The following KCNQ3 variants were observed in gnomAD, a reference collection of about 807,000 sequenced individuals.
The protein encoded by KCNQ3 is potassium voltage-gated channel subfamily KQT member 3.
KCNQ3 carries 30 observed loss-of-function variants against 92.5 expected under a neutral mutation model. The ratio of observed to expected loss-of-function variants is 0.32; its 90% confidence interval spans 0.24 to 0.44. The LOEUF (loss-of-function observed/expected upper bound fraction) is 0.44. Ranked by LOEUF, KCNQ3 falls within the 20% of genes least tolerant of loss-of-function variation. The probability of loss-of-function intolerance (pLI) is 1.00; values close to 1 mark genes in which losing one functional copy is unlikely to be tolerated. For missense variants in KCNQ3, 913 were observed against 1,140.3 expected (o/e 0.80, Z 2.87); for synonymous variants, 450 against 468.8 (o/e 0.96, Z 0.52).
chr8:132,130,856 G>C (rs886840833), intron 14 of KCNQ3, among the ~76,000 whole-genome samples: 2 of 152,222 alleles, frequency 1.3e-5, no homozygotes, highest in African/African-American at 4.8e-5. Context: ...ATACATGAGT[G>C]TATGTGCACA....
intron 1 of KCNQ3, among the ~76,000 whole-genome samples, chr8:132,292,478 C>T (rs184356494): frequency 6.6e-5 from 10 of 152,124 alleles, no homozygotes; most frequent in African/African-American, 2.4e-4. Flanking sequence ...AGAGATTAAG[C>T]ACATTACAAA....
At chr8:132,168,700 A>G in intron 8 of KCNQ3, among the ~76,000 whole-genome samples, 1 of 145,048 alleles carries the variant, frequency 6.9e-6, no homozygotes, top group Non-Finnish European at 1.5e-5. Context: ...TAGAAAGAGA[A>G]ATTGAGGATA....
Position 132,186,188 on chromosome 8 carries a change from G to C in KCNQ3, c.387-7C>G. 6.2e-7 allele frequency: 1 copy of C among 1,606,042 alleles called. No individual in the cohort carries two copies. The highest frequency in any genetic ancestry group is 8.5e-7 in the Non-Finnish European group (1 of 1,172,766). ...CCCCAGGACAATCAGGAACCTAGAGGGGAAGAAAGAAATGGACTAAGGAAC... is the reference window on the plus strand; with the variant it reads ...CCCCAGGACAATCAGGAACCTAGAGCGGAAGAAAGAAATGGACTAAGGAAC... On this transcript the variant is annotated splice_region_variant and splice_polypyrimidine_tract_variant and intron_variant, in intron 1 of 14. Coordinates refer to ENST00000388996, the MANE Select transcript of KCNQ3 (RefSeq NM_004519.4).
chr8:132,479,632 C>T (rs1822496037), intron 1 of KCNQ3, among the ~76,000 whole-genome samples: 1 of 81,716 alleles, frequency 1.2e-5, no homozygotes, highest in Admixed American at 1.1e-4. Flanking sequence ...GCAAGCGACA[C>T]ACACACACAC....
chr8:132,269,958 A>T (rs771404896), intron 1 of KCNQ3, among the ~76,000 whole-genome samples: 1 of 152,212 alleles, frequency 6.6e-6, no homozygotes, highest in Non-Finnish European at 1.5e-5. Context: ...CCCAATCCAG[A>T]CATATCTATA....
intron 1 of KCNQ3, among the ~76,000 whole-genome samples, chr8:132,278,997 C>G (rs760875142): frequency 9.2e-5 from 14 of 152,076 alleles, no homozygotes; most frequent in Non-Finnish European, 2.1e-4. Context: ...AGGCAGATCA[C>G]TTGAGGTCAG....
At chr8:132,408,824 G>A (rs953967505) in intron 1 of KCNQ3, among the ~76,000 whole-genome samples, 1 of 152,164 alleles carries the variant, frequency 6.6e-6, no homozygotes, top group South Asian at 2.1e-4. Flanking sequence ...ATGACAGCCA[G>A]CAAGATAACA....
intron 1 of KCNQ3, among the ~76,000 whole-genome samples, chr8:132,199,509 G>GC (rs1827396451): frequency 6.6e-6 from 1 of 152,236 alleles, no homozygotes; most frequent in East Asian, 1.9e-4. Flanking sequence ...TTTTCAATAG[G>GC]CTCCCCTTAA....
chr8:132,470,832 A>G (rs1266741083), intron 1 of KCNQ3, among the ~76,000 whole-genome samples: 1 of 152,294 alleles, frequency 6.6e-6, no homozygotes, highest in Non-Finnish European at 1.5e-5. Flanking sequence ...TTTGTCCATG[A>G]CATGAAGCCT....
intron 1 of KCNQ3, among the ~76,000 whole-genome samples, chr8:132,334,134 T>C (rs1233352994): frequency 6.6e-6 from 1 of 152,172 alleles, no homozygotes; most frequent in Non-Finnish European, 1.5e-5. Flanking sequence ...GATTTAAATC[T>C]TCCCATATTG....
intron 1 of KCNQ3, among the ~76,000 whole-genome samples, chr8:132,369,573 G>GCACACACACACA (rs3049658): frequency 6.8e-6 from 1 of 148,142 alleles, no homozygotes; most frequent in South Asian, 2.2e-4. Flanking sequence ...TGCTCAAACA[G>GCACACACACACA]CACACACACA....
At chr8:132,397,677 A>G (rs1451757175) in intron 1 of KCNQ3, among the ~76,000 whole-genome samples, 1 of 152,158 alleles carries the variant, frequency 6.6e-6, no homozygotes, top group Non-Finnish European at 1.5e-5. Flanking sequence ...AGATTTAAGG[A>G]ATTTCCACGG....
intron 1 of KCNQ3, chr8:132,187,228 A>G: frequency 2.2e-6 from 1 of 456,012 alleles, no homozygotes; most frequent in Middle Eastern, 3.3e-4. Flanking sequence ...TCATTCATTC[A>G]TTCAATATTT....
intron 14 of KCNQ3, 68 bp downstream of exon 14, chr8:132,132,112 A>C: frequency 9.0e-7 from 1 of 1,105,058 alleles, no homozygotes; most frequent in South Asian, 1.3e-5. Flanking sequence ...AAGAAAGAAA[A>C]AAAAGAAATG....
intron 1 of KCNQ3, among the ~76,000 whole-genome samples, chr8:132,211,101 C>A (rs1813838544): frequency 6.6e-6 from 1 of 152,162 alleles, no homozygotes; most frequent in African/African-American, 2.4e-5. Context: ...CCTACTGGGC[C>A]CTCACTGAAA....
At chr8:132,327,938 C>T (rs1039222867) in intron 1 of KCNQ3, among the ~76,000 whole-genome samples, 2 of 152,066 alleles carry the variant, frequency 1.3e-5, no homozygotes, top group Non-Finnish European at 2.9e-5. Context: ...TAGGGGCAGG[C>T]CTCTCTGTGG....
chr8:132,180,564 C>T (rs756889671), intron 3 of KCNQ3, among the ~76,000 whole-genome samples: 10 of 152,118 alleles, frequency 6.6e-5, no homozygotes, highest in Admixed American at 2.0e-4. Context: ...GGCCACCTGG[C>T]CAGAAGTAGC....
chr8:132,435,521 T>C (rs1821369977), intron 1 of KCNQ3, among the ~76,000 whole-genome samples: 1 of 152,142 alleles, frequency 6.6e-6, no homozygotes, highest in South Asian at 2.1e-4. Flanking sequence ...GTGCATTCAA[T>C]TTTCAAAGCA....
chr8:132,313,582 GA>G (rs573383562), intron 1 of KCNQ3, among the ~76,000 whole-genome samples: 89 of 151,876 alleles, frequency 5.9e-4, no homozygotes, highest in African/African-American at 2.0e-3. Context: ...ATCTATTCTT[GA>G]AAAAAATCTA....
Sources: gnomAD v4.1 joint callset for allele counts (sites outside exome capture counted in the v4.1 genomes callset) on GRCh38, gnomAD v4.1.1 for gene constraint, MANE v1.5 for transcripts, NCBI Gene and HGNC (gene_info 2026-07-23, HGNC 2026-07-21) for gene names.